The following PDZD7 variants were observed in gnomAD, a reference collection of about 807,000 sequenced individuals.
PDZD7 encodes PDZ domain-containing protein 7.
In PDZD7, 72 loss-of-function variants were observed where a neutral mutation model predicts 84.7. That is an observed-to-expected ratio of 0.85 (90% CI 0.70 to 1.03). PDZD7 has a LOEUF of 1.03. PDZD7 is among the 50% of genes least tolerant of loss of function. The probability of loss-of-function intolerance (pLI) is 0.00; values close to 1 mark genes in which losing one functional copy is unlikely to be tolerated. For missense variants in PDZD7, 1,490 were observed against 1,412.9 expected (o/e 1.05, Z -0.87); for synonymous variants, 594 against 580.7 (o/e 1.02, Z -0.33).
chr10:101,019,119 G>A lies in PDZD7; in HGVS notation c.1027C>T (p.Pro343Ser), dbSNP rs773150776. The change falls in exon 8 of 17, where the codon CCG becomes TCG. Residue 343 changes from proline (P) to serine (S), a missense_variant. By Grantham distance (74) the Pro-to-Ser change is moderately conservative. Coordinates refer to ENST00000619208, the MANE Select transcript of PDZD7 (RefSeq NM_001195263.2). ...SSAPYSSGSL[P>S]SDRMDICLGQ... ...AGGCAGATGTCCATGCGGTCCGACG[G>A]CAGGGAGCCCGAGCTGTAGGGGGCG... 1 of 1,551,126 alleles carries A rather than the reference G, an allele frequency of 6.4e-7. No homozygotes were observed. The highest frequency in any genetic ancestry group is 8.7e-7 in the Non-Finnish European group (1 of 1,154,852).
At chr10:101,013,771 TG>T (rs1309629421) in intron 11 of PDZD7, among the ~76,000 whole-genome samples, 1 of 151,700 alleles carries the variant, frequency 6.6e-6, no homozygotes, top group African/African-American at 2.4e-5. Context: ...CCAAAGACAA[TG>T]GGTCACCTCT....
chr10:101,008,967 GT>G, intron 16 of PDZD7, 117 bp from the exon 17 acceptor site: 3 of 1,299,506 alleles, frequency 2.3e-6, no homozygotes, highest in African/African-American at 1.5e-5. Flanking sequence ...CCCCATCTGG[GT>G]GGAGGGGATG....
In PDZD7 at chr10:101,008,319, A is replaced by C; in HGVS notation, c.*148T>G. On this transcript the variant is annotated 3_prime_UTR_variant, in exon 17 of 17. Transcript: ENST00000619208. ...AGCCTTAATGACAGCTGAGGAGGGA[A>C]GAAAGTGGAAAGATGTGAGCCACCA... 4 of 820,718 alleles carry C rather than the reference A, an allele frequency of 4.9e-6. No individual in the cohort carries two copies. Among genetic ancestry groups the C allele is most frequent in the South Asian group, 1.9e-5 (1 of 53,112 alleles). The allele number at this position is 820,718 out of a possible 1,614,324, so 50.8% of individuals were successfully genotyped here. A position where few individuals can be genotyped will look rare whatever the true frequency, so the allele number is the denominator to read the frequency against.
intron 2 of PDZD7, among the ~76,000 whole-genome samples, chr10:101,025,263 G>A (rs372062727): frequency 6.6e-6 from 1 of 151,794 alleles, no homozygotes; most frequent in African/African-American, 2.4e-5. Flanking sequence ...AGGCTAGAGT[G>A]CAGTGATGCA....
intron 11 of PDZD7, among the ~76,000 whole-genome samples, chr10:101,015,127 A>G (rs926330338): frequency 1.3e-5 from 2 of 152,170 alleles, no homozygotes. Flanking sequence ...GAGGCAAAGG[A>G]TTACTTACTT....
Position 101,015,797 on chromosome 10 carries a change from G to C in PDZD7, c.1588C>G (p.Arg530Gly), listed in dbSNP as rs961077588. 2 of 1,548,714 alleles carry C rather than the reference G, an allele frequency of 1.3e-6. No individual in the cohort carries two copies. The highest frequency in any genetic ancestry group is 1.7e-6 in the Non-Finnish European group (2 of 1,146,482). The stretch of plus-strand genomic sequence containing the variant: ...CCAGACCTGGCAGACAGCAGGGCCC[G>C]GCCCCTCTCCTGGTCTGCAGGGCAG... ...WRLRRDQERG[R>G]ALLSARSGSP... The change falls in exon 11 of 17, where the codon CGG (arginine) becomes GGG (glycine). Residue 530 changes from arginine to glycine, a missense_variant. Transcript: ENST00000619208.
chr10:101,011,782 G>C (rs774974746), intron 13 of PDZD7, 21 bp from the exon 14 acceptor site: 2 of 1,550,414 alleles, frequency 1.3e-6, no homozygotes, highest in Admixed American at 3.9e-5. Context: ...AGATGAACAG[G>C]TCAGCGGCAA....
rs894860591 is a variant in PDZD7, at chr10:101,021,705, C to A, written c.867+93G>T. On this transcript the variant is annotated intron_variant, in intron 6 of 16. Coordinates refer to ENST00000619208, the MANE Select transcript of PDZD7 (RefSeq NM_001195263.2). Reference sequence around the variant, plus strand: ...GTCTACCTTCTAGTGGCTGTGGGAACGTCATAAATTGCAGAGCATTATTAA... The same window carrying A: ...GTCTACCTTCTAGTGGCTGTGGGAAAGTCATAAATTGCAGAGCATTATTAA... 5.8e-6 allele frequency: 9 copies of A among 1,562,354 alleles called. No individual in the cohort carries two copies. In the South Asian group the frequency reaches 8.9e-5, roughly 15 times the overall value.
chr10:101,018,096 T>TA lies in PDZD7; in HGVS notation c.1522+2dup, dbSNP rs2134047337. ...CTTCCTGTTTGATCAGCCCACTACT[T>TA]ACCTTTCTCTATGTCCAGGCGAGGG... On this transcript the variant is annotated splice_region_variant and intron_variant, in intron 9 of 16. Coordinates refer to ENST00000619208, the MANE Select transcript of PDZD7 (RefSeq NM_001195263.2). 2 of 1,614,172 alleles carry TA rather than the reference T, an allele frequency of 1.2e-6. No individual in the cohort carries two copies. The highest frequency in any genetic ancestry group is 2.2e-5 in the East Asian group (1 of 44,876).
chr10:101,018,567 C>G (rs1277513299), intron 8 of PDZD7, among the ~76,000 whole-genome samples: 1 of 152,164 alleles, frequency 6.6e-6, no homozygotes, highest in Non-Finnish European at 1.5e-5. Context: ...TGTAAATAGG[C>G]CTGGGAACTC....
chr10:101,024,208 C>A (rs1392681659), intron 2 of PDZD7, 140 bp from the exon 3 acceptor site: 1 of 1,118,438 alleles, frequency 8.9e-7, no homozygotes. Flanking sequence ...TGCAGTGGGG[C>A]AGGTCAGCCC....
intron 9 of PDZD7, chr10:101,017,834 GGAAGGAAAGAAAGAAAGAAAGAAA>G (rs1852724073): frequency 1.6e-5 from 2 of 128,944 alleles, no homozygotes; most frequent in Non-Finnish European, 1.5e-5. Context: ...AAGGAAGGAA[GGAAGGAAAGAAAGAAAGAAAGAAA>G]GAAAGAAAGA....
At chr10:101,024,835 ATGTG>A (rs61697970) in intron 2 of PDZD7, among the ~76,000 whole-genome samples, 16,602 of 148,118 alleles carry the variant, frequency 0.11, 1,302 homozygotes, top group African/African-American at 0.23. Flanking sequence ...CCTTCCTAAT[ATGTG>A]TGTGTGTGTG....
intron 2 of PDZD7, 26 bp from the exon 3 acceptor site, chr10:101,024,094 C>A (rs1937583689): frequency 6.2e-7 from 1 of 1,614,164 alleles, no homozygotes; most frequent in Admixed American, 1.7e-5. Context: ...TTTAGGGATG[C>A]CCCCATGTTC....
rs748001519 is a variant in PDZD7 at position 101,019,114 on chromosome 10, C to A, written c.1032G>T (p.Ser344=). ...GCCCGAGGCAGATGTCCATGCGGTC[C>A]GACGGCAGGGAGCCCGAGCTGTAGG... is the stretch of plus-strand genomic sequence containing the variant. ...SAPYSSGSLP[S]DRMDICLGQE... is the part of the protein sequence containing the mutation. The change falls in exon 8 of 17, where the codon TCG becomes TCT. Residue 344 remains serine (S), a synonymous_variant. Coordinates refer to ENST00000619208, the MANE Select transcript of PDZD7 (RefSeq NM_001195263.2). 11 of 1,553,712 alleles carry A rather than the reference C, an allele frequency of 7.1e-6. No individual in the cohort carries two copies. The highest frequency in any genetic ancestry group is 2.4e-5 in the East Asian group (1 of 42,460).
At chr10:101,019,634 T>A (rs1167369978) in intron 7 of PDZD7, among the ~76,000 whole-genome samples, 1 of 147,630 alleles carries the variant, frequency 6.8e-6, no homozygotes. Flanking sequence ...TCTTCTTCTT[T>A]TTTTTTTCTT....
intron 16 of PDZD7, 109 bp from the exon 17 acceptor site, chr10:101,008,959 C>T (rs1852304676): frequency 7.5e-7 from 1 of 1,336,656 alleles, no homozygotes; most frequent in African/African-American, 1.5e-5. Flanking sequence ...CACTCCTCCC[C>T]CATCTGGGTG....
chr10:101,030,523 G>A (rs1938073581), intron 1 of PDZD7, 139 bp from the exon 2 acceptor site: 6 of 555,648 alleles, frequency 1.1e-5, no homozygotes, highest in South Asian at 5.8e-5. Context: ...CTAGGCCAGA[G>A]AACTGCCCCG....
rs138931376 is a variant in PDZD7, at chr10:101,021,361, A to G, written c.867+437T>C. On this transcript the variant is annotated intron_variant, in intron 6 of 16. Transcript: ENST00000619208. ...TCAGACAAGTGTGAGACCCACATGA[A>G]TAATGAATCCAGCCACCTCCCGTGA... 2.1e-3 allele frequency among the ~76,000 whole-genome samples: 326 copies of G among 152,260 alleles called. 1 individual carries two copies. The highest frequency in any genetic ancestry group is 7.6e-3 in the African/African-American group (316 of 41,534).
Sources: gnomAD v4.1 joint callset for allele counts (sites outside exome capture counted in the v4.1 genomes callset) on GRCh38, gnomAD v4.1.1 for gene constraint, MANE v1.5 for transcripts, NCBI Gene and HGNC (gene_info 2026-07-23, HGNC 2026-07-21) for gene names.